Variants in ALKBH5 observed in about 807,000 individuals in gnomAD.
The protein encoded by ALKBH5 is RNA demethylase ALKBH5.
In ALKBH5, 2 loss-of-function variants were observed where a neutral mutation model predicts 32.1. The observed-to-expected ratio is 0.06, with a 90% CI of 0.03 to 0.20. ALKBH5 has a LOEUF of 0.20. Ranked by LOEUF, ALKBH5 falls within the 10% of genes least tolerant of loss-of-function variation. The pLI is 1.00. For synonymous variants in ALKBH5, 300 were observed against 231.7 expected (o/e 1.29, Z -2.68); for missense variants, 352 against 559.5 (o/e 0.63, Z 3.74).
chr17:18,187,693 TTAG>T lies in ALKBH5; in HGVS notation c.770+2685_770+2687del, dbSNP rs2047147824. On this transcript the variant is annotated intron_variant, in intron 1 of 3. Coordinates refer to ENST00000399138, the MANE Select transcript of ALKBH5 (RefSeq NM_017758.4). The stretch of plus-strand genomic sequence containing the variant: ...ATGCAGGTGGGTGAACACCTGCCTA[TTAG>T]TAGTGCCCGTCGTCAAATCCTGCAT... 3.3e-5 allele frequency among the ~76,000 whole-genome samples: 5 copies of T among 152,288 alleles called. No homozygotes were observed. The South Asian group carries it at 1.0e-3, about 32-fold the overall frequency.
At chr17:18,188,868 A>T (rs922808617) in intron 1 of ALKBH5, among the ~76,000 whole-genome samples, 2 of 152,108 alleles carry the variant, frequency 1.3e-5, no homozygotes, top group African/African-American at 4.8e-5. Context: ...GGAGTTTGAG[A>T]CCAACCTGGC....
At chr17:18,187,862 A>G (rs1389978243) in intron 1 of ALKBH5, among the ~76,000 whole-genome samples, 1 of 152,210 alleles carries the variant, frequency 6.6e-6, no homozygotes, top group Non-Finnish European at 1.5e-5. Context: ...TTCTAGTAGT[A>G]GGCATCTTAG....
intron 2 of ALKBH5, among the ~76,000 whole-genome samples, chr17:18,204,088 G>A (rs555582765): frequency 6.4e-4 from 97 of 152,284 alleles, no homozygotes; most frequent in African/African-American, 2.3e-3. Context: ...AAGTATAAAG[G>A]CTAACATTTT....
chr17:18,208,004 C>G (rs1489201322), intron 3 of ALKBH5, among the ~76,000 whole-genome samples: 2 of 152,158 alleles, frequency 1.3e-5, no homozygotes, highest in African/African-American at 4.8e-5. Context: ...CCAGGCAGAC[C>G]CCACAGGGTA....
intron 1 of ALKBH5, among the ~76,000 whole-genome samples, chr17:18,188,844 G>A (rs1454567705): frequency 2.0e-5 from 3 of 152,278 alleles, no homozygotes; most frequent in East Asian, 1.9e-4. Flanking sequence ...CAAGGTGGAC[G>A]GATCATGAGG....
intron 2 of ALKBH5, 44 bp downstream of exon 2, chr17:18,195,079 G>T: frequency 1.3e-6 from 2 of 1,547,244 alleles, no homozygotes; most frequent in Non-Finnish European, 8.9e-7. Context: ...CTGCAGGCCT[G>T]TCTGGAGATG....
chr17:18,205,739 G>A lies in ALKBH5; in HGVS notation c.852-1076G>A, dbSNP rs370160028. Among the ~76,000 whole-genome samples the A allele has an allele frequency of 2.6e-4, 39 of 152,282 alleles. No homozygotes were observed. In the East Asian group the frequency reaches 4.4e-3, roughly 17 times the overall value. On this transcript the variant is annotated intron_variant, in intron 2 of 3. Coordinates refer to ENST00000399138, the MANE Select transcript of ALKBH5 (RefSeq NM_017758.4). ...AGGACCAGATGCAGTTGTTACCAAGGATGCCAAGCAGCCTAGCCCAAGGCA... is the reference window on the plus strand; with the variant it reads ...AGGACCAGATGCAGTTGTTACCAAGAATGCCAAGCAGCCTAGCCCAAGGCA...
intron 2 of ALKBH5, 35 bp downstream of exon 2, chr17:18,195,070 T>G: frequency 6.3e-7 from 1 of 1,580,876 alleles, no homozygotes; most frequent in Non-Finnish European, 8.7e-7. Flanking sequence ...CTGCCTCACC[T>G]GCAGGCCTGT....
At chr17:18,185,115 TC>T in intron 1 of ALKBH5, 102 bp downstream of exon 1, 1 of 1,498,294 alleles carries the variant, frequency 6.7e-7, no homozygotes, top group Middle Eastern at 1.8e-4. Context: ...TTTTTACAGT[TC>T]TGACCAGTTC....
chr17:18,208,136 C>T (rs1187160577), intron 3 of ALKBH5, 83 bp from the exon 4 acceptor site: 2 of 1,439,444 alleles, frequency 1.4e-6, no homozygotes, highest in Non-Finnish European at 1.9e-6. Context: ...TGACCCATCC[C>T]AAGGATGAGA....
At chr17:18,203,010 G>A (rs765444829) in intron 2 of ALKBH5, among the ~76,000 whole-genome samples, 2 of 151,254 alleles carry the variant, frequency 1.3e-5, no homozygotes, top group Non-Finnish European at 2.9e-5. Context: ...GGAGGTGGAG[G>A]TGCAGTGAAC....
intron 1 of ALKBH5, 77 bp from the exon 2 acceptor site, chr17:18,194,878 C>T: frequency 7.8e-7 from 1 of 1,285,060 alleles, no homozygotes; most frequent in Non-Finnish European, 1.1e-6. Flanking sequence ...AGGCCATGTT[C>T]CTGTCCTGTT....
At position 18,185,005 on chromosome 17, in the gene ALKBH5, T is replaced by G; in HGVS notation, c.762T>G (p.Thr254=). ...TGCCGGTGCGCAGGGGAAGCGTGACTGTGCTCAGGTAACCCACCCGGGTGG... is the reference window on the plus strand; with the variant it reads ...TGCCGGTGCGCAGGGGAAGCGTGACGGTGCTCAGGTAACCCACCCGGGTGG... ...LSLPVRRGSV[T]VLSGYAADEI... is the part of the protein sequence containing the mutation. The change falls in exon 1 of 4, where the codon ACT becomes ACG. Residue 254 remains threonine, a synonymous_variant. Transcript: ENST00000399138. 8 of 1,607,356 alleles carry G rather than the reference T, an allele frequency of 5.0e-6. No individual in the cohort carries two copies. Among genetic ancestry groups the G allele is most frequent in the Non-Finnish European group, 5.9e-6 (7 of 1,177,702 alleles).
intron 2 of ALKBH5, among the ~76,000 whole-genome samples, chr17:18,202,803 C>T (rs1305047068): frequency 6.6e-6 from 1 of 151,836 alleles, no homozygotes; most frequent in Non-Finnish European, 1.5e-5. Context: ...GGGCCGGGCA[C>T]GATGGCTCAC....
chr17:18,207,312 CT>C (rs2047274588), intron 3 of ALKBH5, among the ~76,000 whole-genome samples: 2 of 151,958 alleles, frequency 1.3e-5, no homozygotes, highest in Admixed American at 6.6e-5. Flanking sequence ...GAACCAGGGA[CT>C]TATTTCAAAA....
chr17:18,203,063 T>C (rs539202895), intron 2 of ALKBH5, among the ~76,000 whole-genome samples: 18 of 134,638 alleles, frequency 1.3e-4, no homozygotes, highest in Non-Finnish European at 2.8e-4. Context: ...CAGAGCAAGA[T>C]TGTCTTTTAA....
At chr17:18,193,301 A>T (rs935106782) in intron 1 of ALKBH5, among the ~76,000 whole-genome samples, 3 of 152,062 alleles carry the variant, frequency 2.0e-5, no homozygotes, top group Non-Finnish European at 4.4e-5. Flanking sequence ...TAATCCCAGC[A>T]CTTTGGGAGG....
chr17:18,192,854 CTTTTT>C (rs201150139), intron 1 of ALKBH5, among the ~76,000 whole-genome samples: 3 of 115,590 alleles, frequency 2.6e-5, no homozygotes, highest in African/African-American at 7.6e-5. Flanking sequence ...CTGTCTTTTT[CTTTTT>C]TTTTTTTTTT....
At chr17:18,205,033 G>A (rs985921132) in intron 2 of ALKBH5, among the ~76,000 whole-genome samples, 1 of 151,934 alleles carries the variant, frequency 6.6e-6, no homozygotes, top group African/African-American at 2.4e-5. Flanking sequence ...CTGGGCGACA[G>A]AGCAAAACAC....
Sources: gnomAD v4.1 joint callset for allele counts (sites outside exome capture counted in the v4.1 genomes callset) on GRCh38, gnomAD v4.1.1 for gene constraint, MANE v1.5 for transcripts, NCBI Gene and HGNC (gene_info 2026-07-23, HGNC 2026-07-21) for gene names.